The following PRKAR1A variants were observed in gnomAD, a reference collection of about 807,000 sequenced individuals.
PRKAR1A encodes the protein protein kinase cAMP-dependent type I regulatory subunit alpha, also known as cAMP-dependent protein kinase type I-alpha regulatory subunit.
Under a neutral mutation model 52.0 loss-of-function variants are expected in PRKAR1A, and 3 were observed. That is an observed-to-expected ratio of 0.06 (90% CI 0.03 to 0.15). The LOEUF is 0.15. Ranked by LOEUF, PRKAR1A falls within the 10% of genes least tolerant of loss-of-function variation. The pLI is 1.00. For missense variants in PRKAR1A, 240 were observed against 477.4 expected (o/e 0.50, Z 4.63); for synonymous variants, 188 against 168.4 (o/e 1.12, Z -0.90).
chr17:68,454,393 A>G, the PRKAR1A span, among the ~76,000 whole-genome samples: 4 of 152,240 alleles, frequency 2.6e-5, no homozygotes, highest in African/African-American at 9.6e-5. Flanking sequence ...AAAAAAGAGA[A>G]GGTCACATGA....
the PRKAR1A span, among the ~76,000 whole-genome samples, chr17:68,438,875 C>T: frequency 1.3e-4 from 20 of 152,248 alleles, no homozygotes; most frequent in Admixed American, 5.9e-4. Flanking sequence ...GCTGGGATTA[C>T]AGGCGTGAGC....
At chr17:68,473,961 A>G in the PRKAR1A span, among the ~76,000 whole-genome samples, 1 of 152,298 alleles carries the variant, frequency 6.6e-6, no homozygotes, top group South Asian at 2.1e-4. Context: ...CTTTATTGGT[A>G]TAATTTGCCA....
the PRKAR1A span, chr17:68,424,694 G>A: frequency 5.9e-6 from 2 of 340,998 alleles, no homozygotes; most frequent in Non-Finnish European, 1.2e-5. Flanking sequence ...TGACCAACAT[G>A]GTGAAACCCC....
At chr17:68,490,425 G>A in the PRKAR1A span, among the ~76,000 whole-genome samples, 1 of 152,108 alleles carries the variant, frequency 6.6e-6, no homozygotes, top group Non-Finnish European at 1.5e-5. Flanking sequence ...CTCTTGTCCC[G>A]CATTTCTCCT....
At chr17:68,495,250 T>G in the PRKAR1A span, among the ~76,000 whole-genome samples, 2 of 152,098 alleles carry the variant, frequency 1.3e-5, no homozygotes, top group African/African-American at 4.8e-5. Flanking sequence ...CCAGGCTGGT[T>G]TCAAACTCCT....
the PRKAR1A span, among the ~76,000 whole-genome samples, chr17:68,490,747 A>G: frequency 1.2e-4 from 19 of 152,230 alleles, no homozygotes; most frequent in African/African-American, 4.3e-4. Flanking sequence ...CTACTTTCCT[A>G]TTATCCTGAA....
intron 11 of PRKAR1A, among the ~76,000 whole-genome samples, chr17:68,538,565 T>G (rs1374215847): frequency 6.6e-6 from 1 of 152,236 alleles, no homozygotes; most frequent in Admixed American, 6.5e-5. Flanking sequence ...TTAGACATTC[T>G]CTAGAGAAAT....
At chr17:68,466,612 A>G in the PRKAR1A span, among the ~76,000 whole-genome samples, 1 of 151,478 alleles carries the variant, frequency 6.6e-6, no homozygotes, top group Non-Finnish European at 1.5e-5. Flanking sequence ...GGGTTTTGCC[A>G]TGTTGACCAG....
At chr17:68,427,978 C>G in the PRKAR1A span, among the ~76,000 whole-genome samples, 1 of 151,650 alleles carries the variant, frequency 6.6e-6, no homozygotes, top group Non-Finnish European at 1.5e-5. Context: ...CAGTCTTGAC[C>G]TTCCTGGGCT....
At chr17:68,474,403 C>T in the PRKAR1A span, among the ~76,000 whole-genome samples, 3 of 152,226 alleles carry the variant, frequency 2.0e-5, no homozygotes, top group Non-Finnish European at 2.9e-5. Context: ...CAGGCGTGTA[C>T]AGGAGGTGTT....
chr17:68,436,563 G>A, the PRKAR1A span: 4 of 1,251,118 alleles, frequency 3.2e-6, no homozygotes, highest in Non-Finnish European at 4.6e-6. Context: ...AAACAGTACA[G>A]CTACAGTGCC....
chr17:68,496,450 T>G, the PRKAR1A span, among the ~76,000 whole-genome samples: 14 of 152,232 alleles, frequency 9.2e-5, no homozygotes, highest in African/African-American at 3.4e-4. Flanking sequence ...CCCTTGTGAT[T>G]ACACCGGCCA....
At chr17:68,505,767 T>C in the PRKAR1A span, among the ~76,000 whole-genome samples, 5 of 151,728 alleles carry the variant, frequency 3.3e-5, no homozygotes, top group Admixed American at 1.3e-4. Context: ...TGAGCTGAGA[T>C]TGAGATTGTG....
chr17:68,502,429 C>A, the PRKAR1A span, among the ~76,000 whole-genome samples: 4 of 151,854 alleles, frequency 2.6e-5, no homozygotes, highest in African/African-American at 9.7e-5. Context: ...TTAAGCTCAA[C>A]AAGAGAACAA....
chr17:68,420,766 T>G, the PRKAR1A span: 1 of 376,300 alleles, frequency 2.7e-6, no homozygotes, highest in Non-Finnish European at 4.8e-6. Context: ...ACCTGCAAGT[T>G]GATTTTGAGG....
At chr17:68,500,680 AT>A in the PRKAR1A span, among the ~76,000 whole-genome samples, 1 of 151,414 alleles carries the variant, frequency 6.6e-6, no homozygotes, top group Non-Finnish European at 1.5e-5. Flanking sequence ...CGCCCGGCTA[AT>A]TTTTTTTCTA....
At chr17:68,536,449 G>A (rs1398408808), downstream of PRKAR1A, 4 of 454,122 alleles carry the variant, frequency 8.8e-6, no homozygotes, top group Non-Finnish European at 1.8e-5. Flanking sequence ...GAAGGTAGAG[G>A]AGACAAGGAA....
At chr17:68,458,874 A>G in the PRKAR1A span, among the ~76,000 whole-genome samples, 1 of 152,180 alleles carries the variant, frequency 6.6e-6, no homozygotes, top group East Asian at 1.9e-4. Flanking sequence ...GTGCAAAAGT[A>G]ATTGCGGTTT....
chr17:68,443,135 G>C, the PRKAR1A span, among the ~76,000 whole-genome samples: 2 of 152,006 alleles, frequency 1.3e-5, no homozygotes, highest in African/African-American at 4.8e-5. Context: ...TTTTGAGACA[G>C]AGTCTCGATC....
Sources: gnomAD v4.1 joint callset for allele counts (sites outside exome capture counted in the v4.1 genomes callset) on GRCh38, gnomAD v4.1.1 for gene constraint, MANE v1.5 for transcripts, NCBI Gene and HGNC (gene_info 2026-07-23, HGNC 2026-07-21) for gene names.